Variants in TNK2 observed in about 807,000 individuals in gnomAD.
TNK2 encodes the protein activated CDC42 kinase 1.
TNK2 carries 83 observed loss-of-function variants against 101.8 expected under a neutral mutation model. The observed-to-expected ratio is 0.82, with a 90% CI of 0.68 to 0.98. TNK2 has a LOEUF of 0.98. Ranked by LOEUF, TNK2 falls within the 50% of genes least tolerant of loss-of-function variation. TNK2 has a pLI of 0.00. For synonymous variants in TNK2, 804 were observed against 633.0 expected, an observed-to-expected ratio of 1.27 and a Z score of -4.06; for missense variants, 1,665 against 1,483.2, an observed-to-expected ratio of 1.12 and a Z score of -2.01.
rs1201772545 is a variant in TNK2 at position 195,867,625 on chromosome 3, C to G, written c.2673G>C (p.Leu891=). ...GCTCCTCGGGGCTCTGGGCCTCACG[C>G]AGGAAGCGCTGGTAGCGCTCCAGGT... ...PSYLERYQRF[L]REAQSPEEPT... The change falls in exon 13 of 16, where the codon CTG becomes CTC. Residue 891 remains leucine, a synonymous_variant. Transcript: ENST00000672887. 1 of 1,599,894 alleles carries G rather than the reference C, an allele frequency of 6.3e-7. No individual in the cohort carries two copies. The highest frequency in any genetic ancestry group is 2.2e-5 in the East Asian group (1 of 44,854).
rs1481947428 is a variant in TNK2 at position 195,878,460 on chromosome 3, C to A, written c.1147G>T (p.Asp383Tyr). The change falls in exon 8 of 16, where the codon GAC (aspartate) becomes TAC (tyrosine). Residue 383 changes from aspartate to tyrosine, a missense_variant. Physicochemically the swap from Asp to Tyr is radical, Grantham distance 160 (BLOSUM62 -3). Transcript: ENST00000672887. This position sits in a 1 kb window ranked among gnomAD's most constrained non-coding sequence, Gnocchi z 4.7. ...EDRPTFVALR[D>Y]FLLEAQPTDM... Reference sequence around the variant, plus strand: ...CTGTCCCTCACCTCCAGCAGGAAGTCCCGCAGGGCCACAAACGTGGGTCTG... The same window carrying A: ...CTGTCCCTCACCTCCAGCAGGAAGTACCGCAGGGCCACAAACGTGGGTCTG... The A allele has an allele frequency of 1.2e-6, 2 of 1,614,016 alleles. No homozygotes were observed. The highest frequency in any genetic ancestry group is 2.2e-5 in the East Asian group (1 of 44,878).
chr3:195,866,888 C>T lies in TNK2; in HGVS notation c.3161+1G>A. ...CGGGGCAGACTGTGGGGCTCACTCACTTGTGGTGGGCAGGGCCCCAGGAGC... is the reference window on the plus strand; with the variant it reads ...CGGGGCAGACTGTGGGGCTCACTCATTTGTGGTGGGCAGGGCCCCAGGAGC... On this transcript the variant is annotated splice_donor_variant, in intron 15 of 15. Transcript: ENST00000672887. LOFTEE classifies it high-confidence loss of function. The T allele has an allele frequency of 1.9e-6, 3 of 1,610,162 alleles. No individual in the cohort carries two copies. Among genetic ancestry groups the T allele is most frequent in the Non-Finnish European group, 2.5e-6 (3 of 1,178,762 alleles).
intron 1 of TNK2, among the ~76,000 whole-genome samples, chr3:195,893,297 G>C (rs532170994): frequency 3.1e-4 from 47 of 152,078 alleles, no homozygotes; most frequent in African/African-American, 1.1e-3. Flanking sequence ...CTGCCAGAGT[G>C]GGGCAGTCCA....
chr3:195,895,743 A>T (rs1760309198), intron 1 of TNK2, among the ~76,000 whole-genome samples: 3 of 151,992 alleles, frequency 2.0e-5, no homozygotes, highest in Admixed American at 6.5e-5. Flanking sequence ...CCCCGTATTC[A>T]CGGTAAGGGG....
At position 195,869,777 on chromosome 3, in the gene TNK2, C is replaced by T. The variant is rs566522618; in HGVS notation, c.1544-236G>A. The T allele has an allele frequency of 1.6e-4, 97 of 596,816 alleles. 1 individual carries two copies. Among genetic ancestry groups the T allele is most frequent in the Non-Finnish European group, 2.0e-4 (68 of 335,080 alleles). The allele number at this position is 596,816 out of a possible 1,614,324, so 37.0% of individuals were successfully genotyped here. A position where few individuals can be genotyped will look rare whatever the true frequency, so the allele number is the denominator to read the frequency against. ...AGATGGAGGAGGCCCCAGGCAGAGC[C>T]GGAGCCGTGGGGTGGTTTTGGCTTG... On this transcript the variant is annotated intron_variant, in intron 11 of 15. Transcript: ENST00000672887.
intron 11 of TNK2, 136 bp from the exon 12 acceptor site, chr3:195,869,677 G>A (rs1369451691): frequency 4.4e-6 from 4 of 918,320 alleles, no homozygotes; most frequent in Non-Finnish European, 6.9e-6. Context: ...GAATGTACAA[G>A]CCCCCAGCAA....
chr3:195,905,174 G>C (rs111597116), intron 1 of TNK2, among the ~76,000 whole-genome samples: 2,162 of 152,232 alleles, frequency 0.014, 59 homozygotes, highest in African/African-American at 0.049. Context: ...ACAGAATCCA[G>C]AATTAGACAC....
chr3:195,869,385 A>ACC, intron 12 of TNK2, 112 bp downstream of exon 12: 1 of 893,002 alleles, frequency 1.1e-6, no homozygotes. Context: ...CACAGCACAC[A>ACC]CCCACCCACC....
At chr3:195,873,428 CGGTG>C (rs1746850318) in intron 9 of TNK2, among the ~76,000 whole-genome samples, 1 of 135,120 alleles carries the variant, frequency 7.4e-6, no homozygotes, top group Non-Finnish European at 1.6e-5. Flanking sequence ...CAGGCGGGGG[CGGTG>C]AGAGCCCCGT....
intron 9 of TNK2, chr3:195,876,794 C>G (rs1041405508): frequency 2.8e-5 from 10 of 361,722 alleles, no homozygotes; most frequent in South Asian, 1.6e-4. Context: ...CAGGAGCAGC[C>G]GCTCCCGGCC....
Position 195,867,688 on chromosome 3 carries a change from G to T in TNK2, c.2610C>A (p.Ser870Arg). The change falls in exon 13 of 16, where the codon AGC becomes AGA. Residue 870 changes from serine (S) to arginine (R), a missense_variant. Transcript: ENST00000672887. ...LPIVRDGKKV[S>R]STHYYLLPER... ...CGGGCAGCAAGTAATAGTGGGTGCT[G>T]CTGACCTTCTTGCCATCCCGGACGA... is the stretch of plus-strand genomic sequence containing the variant. The T allele has an allele frequency of 6.2e-7, 1 of 1,608,812 alleles. No individual in the cohort carries two copies. Among genetic ancestry groups the T allele is most frequent in the Non-Finnish European group, 8.5e-7 (1 of 1,179,260 alleles).
chr3:195,869,452 G>GA, intron 12 of TNK2, 45 bp downstream of exon 12: 1 of 1,538,282 alleles, frequency 6.5e-7, no homozygotes, highest in South Asian at 1.2e-5. Flanking sequence ...GTGAGAGAGA[G>GA]GGGGCGGGGG....
rs1196125538 is a variant in TNK2 at position 195,869,596 on chromosome 3, A to G, written c.1544-55T>C. On this transcript the variant is annotated intron_variant, in intron 11 of 15. Coordinates refer to ENST00000672887, the MANE Select transcript of TNK2 (RefSeq NM_001382273.1). ...GAGAGACGGAGCAGGACAGAGGACA[A>G]AGGAGGGAGACGGCCGGACGAGAGG... 5 of 1,527,800 alleles carry G rather than the reference A, an allele frequency of 3.3e-6. No homozygotes were observed. The Admixed American group carries it at 7.9e-5, about 24-fold the overall frequency. 94.6% of individuals were successfully genotyped at this position (1,527,800 alleles called of 1,614,324 possible). A position where few individuals can be genotyped will look rare whatever the true frequency, so the allele number is the denominator to read the frequency against.
At chr3:195,898,607 G>A (rs1760895199) in intron 1 of TNK2, among the ~76,000 whole-genome samples, 1 of 152,056 alleles carries the variant, frequency 6.6e-6, no homozygotes, top group Non-Finnish European at 1.5e-5. Context: ...CCCTTCCCTA[G>A]ACATACTCTG....
intron 1 of TNK2, chr3:195,895,222 C>G (rs779422249): frequency 2.0e-6 from 3 of 1,500,832 alleles, no homozygotes; most frequent in Non-Finnish European, 2.7e-6. Context: ...AGGTATCTGG[C>G]TATCCCCTAG....
At chr3:195,896,445 A>G (rs1760524587) in intron 1 of TNK2, 1 of 270,812 alleles carries the variant, frequency 3.7e-6, no homozygotes, top group South Asian at 2.8e-5. Context: ...CAAGCACACC[A>G]GGGTAGGTGG....
Position 195,882,474 on chromosome 3 carries a change from G to A in TNK2, c.610-146C>T, listed in dbSNP as rs1220734176. The A allele has an allele frequency of 6.5e-7, 1 of 1,545,496 alleles. No individual in the cohort carries two copies. The highest frequency in any genetic ancestry group is 2.4e-5 in the East Asian group (1 of 40,928). On this transcript the variant is annotated intron_variant, in intron 5 of 15. Coordinates refer to ENST00000672887, the MANE Select transcript of TNK2 (RefSeq NM_001382273.1). The surrounding 1 kb of genome is among the most constrained non-coding windows in gnomAD (Gnocchi z 4.2). ...CTGGCCTGCTGTCTGGGGACCTCTA[G>A]GAGTCCTGCAGTTTCTCAGGCCTCT...
intron 1 of TNK2, among the ~76,000 whole-genome samples, chr3:195,903,830 A>G (rs1212175312): frequency 6.6e-6 from 1 of 152,230 alleles, no homozygotes; most frequent in African/African-American, 2.4e-5. Context: ...AGCAGATGAC[A>G]CGGCGCCCTA....
At chr3:195,875,759 G>C (rs1260508871) in intron 9 of TNK2, among the ~76,000 whole-genome samples, 1 of 152,136 alleles carries the variant, frequency 6.6e-6, no homozygotes, top group Non-Finnish European at 1.5e-5. Context: ...GGACTTCCTG[G>C]GGGAGCAGGA....
Sources: gnomAD v4.1 joint callset for allele counts (sites outside exome capture counted in the v4.1 genomes callset) on GRCh38, gnomAD v4.1.1 for gene constraint, Gnocchi (gnomAD v3.1) non-coding constraint, MANE v1.5 for transcripts, NCBI Gene and HGNC (gene_info 2026-07-23, HGNC 2026-07-21) for gene names.